The following SCRN1 variants were observed in gnomAD, a reference collection of about 807,000 sequenced individuals.
SCRN1 encodes the protein secernin-1.
Under a neutral mutation model 43.3 loss-of-function variants are expected in SCRN1, and 19 were observed. That is an observed-to-expected ratio of 0.44 (90% CI 0.31 to 0.64). The LOEUF (loss-of-function observed/expected upper bound fraction) is 0.64. Ranked by LOEUF, SCRN1 falls within the 30% of genes least tolerant of loss-of-function variation. The probability of loss-of-function intolerance (pLI) is 0.09; values close to 1 mark genes in which losing one functional copy is unlikely to be tolerated. For synonymous variants in SCRN1, 183 were observed against 188.9 expected, an observed-to-expected ratio of 0.97 and a Z score of 0.26; for missense variants, 447 against 524.1, an observed-to-expected ratio of 0.85 and a Z score of 1.44.
At position 29,955,223 on chromosome 7, in the gene SCRN1, C is replaced by A. The variant is rs1788091454; in HGVS notation, c.297G>T (p.Glu99Asp). Residue 99 changes from glutamate to aspartate, a missense_variant, in exon 3 of 8, where the codon GAG becomes GAT. By Grantham distance (45) the Glu-to-Asp change is conservative. Transcript: ENST00000242059. The part of the protein sequence containing the change: ...CIANEAINTR[E>D]PAAEIEALLG... ...GCAAGGCTTCTATCTCGGCAGCTGG[C>A]TCTCTGGTGTTGATGGCTTCATTGG... The A allele has an allele frequency of 2.5e-6, 4 of 1,614,172 alleles. No homozygotes were observed. The East Asian group carries it at 8.9e-5, about 36-fold the overall frequency.
intron 2 of SCRN1, among the ~76,000 whole-genome samples, chr7:29,957,746 A>G (rs926788986): frequency 6.6e-6 from 1 of 152,178 alleles, no homozygotes; most frequent in African/African-American, 2.4e-5. Context: ...CGTGGGAGAA[A>G]TCTGGGTTGA....
At chr7:29,926,752 G>T in intron 6 of SCRN1, 120 bp from the exon 7 acceptor site, 23 of 611,504 alleles carry the variant, frequency 3.8e-5, no homozygotes, top group Non-Finnish European at 3.9e-5. Flanking sequence ...GTGGGTGTGG[G>T]TGACGGGTGG....
chr7:29,970,017 C>A (rs1201114903), intron 1 of SCRN1: 8 of 384,620 alleles, frequency 2.1e-5, no homozygotes, highest in South Asian at 1.5e-4. Context: ...TGCCACCACC[C>A]TGCACCAAGC....
At chr7:29,942,824 T>C (rs1208545870) in intron 4 of SCRN1, among the ~76,000 whole-genome samples, 2 of 152,176 alleles carry the variant, frequency 1.3e-5, no homozygotes, top group Admixed American at 1.3e-4. Context: ...ACAGCCTTCA[T>C]ACAGCTTGGC....
intron 3 of SCRN1, among the ~76,000 whole-genome samples, chr7:29,947,799 T>C (rs533294187): frequency 6.6e-6 from 1 of 152,092 alleles, no homozygotes; most frequent in Non-Finnish European, 1.5e-5. Context: ...TCATGAGGGG[T>C]GGAGGCACCA....
intron 7 of SCRN1, among the ~76,000 whole-genome samples, chr7:29,925,928 T>TGTATTATA (rs1225493454): frequency 6.6e-6 from 1 of 151,272 alleles, no homozygotes; most frequent in African/African-American, 2.4e-5. Flanking sequence ...GTAAAACATA[T>TGTATTATA]GTATTATAAC....
chr7:29,935,938 T>C (rs1787308998), intron 6 of SCRN1, among the ~76,000 whole-genome samples: 1 of 152,228 alleles, frequency 6.6e-6, no homozygotes, highest in Non-Finnish European at 1.5e-5. Flanking sequence ...TCAGCTACTA[T>C]GTGGCAAAGG....
chr7:29,972,674 G>C (rs955625969), intron 1 of SCRN1, among the ~76,000 whole-genome samples: 2 of 152,208 alleles, frequency 1.3e-5, no homozygotes, highest in African/African-American at 2.4e-5. Flanking sequence ...GAGCAAACTA[G>C]CCCAGGCTAA....
At position 29,950,169 on chromosome 7, in the gene SCRN1, G is replaced by A. The variant is rs77360111; in HGVS notation, c.341+5010C>T. ...CCCTTGCCCCTACAGGCTTGGAAGT[G>A]CCTGCTTCCTGCTCCCTGACCTCTT... On this transcript the variant is annotated intron_variant, in intron 3 of 7. Transcript: ENST00000242059. This position sits in a 1 kb window ranked among gnomAD's most constrained non-coding sequence, Gnocchi z 4.5. 0.059 allele frequency among the ~76,000 whole-genome samples: 8,922 copies of A among 152,262 alleles called. 339 individuals carry two copies. The highest frequency in any genetic ancestry group is 0.1 in the African/African-American group (4,207 of 41,558).
At chr7:29,956,396 G>A (rs1442498766) in intron 2 of SCRN1, among the ~76,000 whole-genome samples, 1 of 152,192 alleles carries the variant, frequency 6.6e-6, no homozygotes, top group East Asian at 1.9e-4. Flanking sequence ...ACGCTGTATT[G>A]AATTCAAGTC....
rs1407233720 is a variant in SCRN1, at chr7:29,922,174, T to C, written c.*1783A>G. 1 of 152,218 alleles carries C rather than the reference T, an allele frequency of 6.6e-6. No homozygotes were observed. The highest frequency in any genetic ancestry group is 1.5e-5 in the Non-Finnish European group (1 of 68,034). The allele number at this position is 152,218 out of a possible 1,614,324, so 9.4% of individuals were successfully genotyped here. On this transcript the variant is annotated 3_prime_UTR_variant, in exon 8 of 8. Transcript: ENST00000242059. ...TCTTAGCAGCTACAGGCCACCATTA[T>C]TGGTTGCCATTAACTCTGTCAGCTG...
intron 1 of SCRN1, among the ~76,000 whole-genome samples, chr7:29,980,488 A>G (rs569969567): frequency 6.6e-6 from 1 of 152,170 alleles, no homozygotes; most frequent in Non-Finnish European, 1.5e-5. Flanking sequence ...TTTCCCATTA[A>G]TGTGATTTGA....
At chr7:29,933,760 G>A (rs751937274) in intron 6 of SCRN1, among the ~76,000 whole-genome samples, 2 of 152,148 alleles carry the variant, frequency 1.3e-5, no homozygotes, top group Admixed American at 1.3e-4. Flanking sequence ...GGATGTGAGC[G>A]CAAGTTATTT....
chr7:29,947,215 C>T, intron 3 of SCRN1: 1 of 1,550,558 alleles, frequency 6.4e-7, no homozygotes, highest in Non-Finnish European at 8.7e-7. Context: ...TTAGATGCTC[C>T]TGAATTCAAT....
chr7:29,966,610 T>C (rs1166043323), intron 2 of SCRN1, among the ~76,000 whole-genome samples: 1 of 152,178 alleles, frequency 6.6e-6, no homozygotes, highest in African/African-American at 2.4e-5. Context: ...CACTCATTGA[T>C]GAATACCCAT....
chr7:29,969,463 A>T (rs1182755210), intron 1 of SCRN1, among the ~76,000 whole-genome samples: 1 of 152,218 alleles, frequency 6.6e-6, no homozygotes, highest in Non-Finnish European at 1.5e-5. Context: ...TAACTACACA[A>T]ATGCCTCAGA....
intron 3 of SCRN1, among the ~76,000 whole-genome samples, chr7:29,953,177 C>G (rs1453058737): frequency 1.3e-5 from 2 of 152,218 alleles, no homozygotes; most frequent in South Asian, 4.1e-4. Flanking sequence ...GTGCCATTCA[C>G]GTGGCATCAA....
chr7:29,990,209 TC>T (rs1178125304), upstream of SCRN1: 1 of 1,551,300 alleles, frequency 6.4e-7, no homozygotes, highest in South Asian at 1.2e-5. Flanking sequence ...CCAAGTCGAG[TC>T]CCTGGTTTTA....
At chr7:29,925,183 C>CT (rs1643772237) in intron 7 of SCRN1, among the ~76,000 whole-genome samples, 1 of 152,076 alleles carries the variant, frequency 6.6e-6, no homozygotes, top group African/African-American at 2.4e-5. Flanking sequence ...ATCTGCCAGC[C>CT]TTTTTAGGCT....
Sources: gnomAD v4.1 joint callset for allele counts (sites outside exome capture counted in the v4.1 genomes callset) on GRCh38, gnomAD v4.1.1 for gene constraint, Gnocchi (gnomAD v3.1) non-coding constraint, MANE v1.5 for transcripts, NCBI Gene and HGNC (gene_info 2026-07-23, HGNC 2026-07-21) for gene names.